Variants in PPP1R13B observed in about 807,000 individuals in gnomAD.
PPP1R13B encodes protein phosphatase 1 regulatory subunit 13B.
In PPP1R13B, 44 loss-of-function variants were observed where a neutral mutation model predicts 119.8. The observed-to-expected ratio is 0.37, with a 90% CI of 0.29 to 0.47. PPP1R13B has a LOEUF of 0.47. PPP1R13B is among the 20% of genes least tolerant of loss of function. The pLI is 0.99. For synonymous variants in PPP1R13B, 542 were observed against 561.5 expected, an observed-to-expected ratio of 0.97 and a Z score of 0.49; for missense variants, 1,227 against 1,413.5, an observed-to-expected ratio of 0.87 and a Z score of 2.12.
rs183376229 is a variant in PPP1R13B at position 103,803,638 on chromosome 14, G to A, written c.10-6120C>T. Among the ~76,000 whole-genome samples, 51 of 152,026 alleles carry A rather than the reference G, an allele frequency of 3.4e-4. 1 individual carries two copies. The highest frequency in any genetic ancestry group is 1.7e-3 in the Admixed American group (26 of 15,274). On this transcript the variant is annotated intron_variant, in intron 1 of 16. Transcript: ENST00000202556. ...AGCCTGGGCAACAGAGCGAGACTCC[G>A]TCTCAAAAATAAATAAATAAATAAA... is the stretch of plus-strand genomic sequence containing the variant.
chr14:103,759,501 T>TCA (rs1272844566), intron 4 of PPP1R13B, among the ~76,000 whole-genome samples: 1 of 151,828 alleles, frequency 6.6e-6, no homozygotes, highest in East Asian at 1.9e-4. Flanking sequence ...GGCAGGGGTC[T>TCA]CACCATGTTG....
intron 1 of PPP1R13B, among the ~76,000 whole-genome samples, chr14:103,834,587 T>C (rs1006235656): frequency 7.1e-6 from 1 of 140,448 alleles, no homozygotes; most frequent in Non-Finnish European, 1.5e-5. Context: ...ATGTCTTTTT[T>C]TTTTTTTTTT....
At chr14:103,784,982 A>C (rs2085423794) in intron 2 of PPP1R13B, 68 bp from the exon 3 acceptor site, 1 of 1,418,184 alleles carries the variant, frequency 7.1e-7, no homozygotes, top group Non-Finnish European at 9.5e-7. Flanking sequence ...AAATTTTGTA[A>C]AAAACTTAAA....
At chr14:103,737,582 T>A in intron 15 of PPP1R13B, 112 bp downstream of exon 15, 1 of 1,336,264 alleles carries the variant, frequency 7.5e-7, no homozygotes, top group Non-Finnish European at 1.0e-6. Flanking sequence ...TCTCCTGTCT[T>A]AAAAAAAACA....
At position 103,761,274 on chromosome 14, in the gene PPP1R13B, TAAAAAAA is replaced by T. The variant is rs59281762; in HGVS notation, c.355-3530_355-3524del. Among the ~76,000 whole-genome samples the T allele has an allele frequency of 3.6e-3, 376 of 104,730 alleles. 6 individuals are homozygous for T. The East Asian group carries it at 0.053, about 15-fold the overall frequency. 68.7% of individuals were successfully genotyped at this position (104,730 alleles called of 152,430 possible). On this transcript the variant is annotated intron_variant, in intron 4 of 16. Transcript: ENST00000202556. Reference sequence around the variant, plus strand: ...AGGGAACAGAGCAAGACCCTATATTTAAAAAAAAAAAAAAAAAAAAAAAAAGAATTTT... The same window carrying T: ...AGGGAACAGAGCAAGACCCTATATTTAAAAAAAAAAAAAAAAAAGAATTTT...
chr14:103,741,757 C>A, intron 11 of PPP1R13B, 33 bp downstream of exon 11: 2 of 1,570,890 alleles, frequency 1.3e-6, no homozygotes, highest in Admixed American at 1.9e-5. Flanking sequence ...AATTTCCTAG[C>A]CCCAAGAAAA....
intron 4 of PPP1R13B, among the ~76,000 whole-genome samples, chr14:103,776,330 G>A (rs2085194614): frequency 1.3e-5 from 2 of 152,150 alleles, no homozygotes; most frequent in South Asian, 2.1e-4. Context: ...AGAGATTTAA[G>A]TATATGAGGT....
chr14:103,800,995 C>T (rs560487664), intron 1 of PPP1R13B, among the ~76,000 whole-genome samples: 13 of 152,098 alleles, frequency 8.5e-5, no homozygotes, highest in African/African-American at 3.1e-4. Flanking sequence ...GGATTACAAG[C>T]ATGCACCAAC....
At chr14:103,800,509 C>A (rs1479202380) in intron 1 of PPP1R13B, among the ~76,000 whole-genome samples, 3 of 151,990 alleles carry the variant, frequency 2.0e-5, no homozygotes, top group Admixed American at 6.6e-5. Flanking sequence ...AAAAAATTAG[C>A]CAGGCGTGGT....
At chr14:103,808,097 T>C (rs143369580) in intron 1 of PPP1R13B, among the ~76,000 whole-genome samples, 1,582 of 151,852 alleles carry the variant, frequency 0.01, 25 homozygotes, top group African/African-American at 0.036. Context: ...AAAAAAAAAT[T>C]AGCTGGGCGT....
chr14:103,840,380 G>GA (rs369747725), intron 1 of PPP1R13B, among the ~76,000 whole-genome samples: 1 of 152,196 alleles, frequency 6.6e-6, no homozygotes, highest in Non-Finnish European at 1.5e-5. Flanking sequence ...AAAATCCTAA[G>GA]AAACTGTTAA....
intron 1 of PPP1R13B, among the ~76,000 whole-genome samples, chr14:103,842,663 C>T (rs1212734576): frequency 4.0e-5 from 6 of 151,744 alleles, no homozygotes; most frequent in South Asian, 2.1e-4. Flanking sequence ...CTTGACTCGT[C>T]GATACTCTTT....
At chr14:103,824,020 A>G (rs1316375767) in intron 1 of PPP1R13B, among the ~76,000 whole-genome samples, 1 of 150,908 alleles carries the variant, frequency 6.6e-6, no homozygotes, top group Non-Finnish European at 1.5e-5. Flanking sequence ...TTGTCAGCTG[A>G]AAAACATTCT....
intron 2 of PPP1R13B, among the ~76,000 whole-genome samples, chr14:103,793,508 C>A (rs2085680149): frequency 6.6e-6 from 1 of 152,148 alleles, no homozygotes; most frequent in African/African-American, 2.4e-5. Flanking sequence ...TGAGGCCTCC[C>A]CAGCCTTGCA....
intron 2 of PPP1R13B, among the ~76,000 whole-genome samples, chr14:103,786,434 C>T (rs1268766364): frequency 1.3e-5 from 2 of 152,106 alleles, no homozygotes; most frequent in Non-Finnish European, 2.9e-5. Flanking sequence ...TTTTCCTTCT[C>T]TGTGAACTGT....
intron 3 of PPP1R13B, among the ~76,000 whole-genome samples, chr14:103,781,363 T>G (rs550306840): frequency 5.3e-5 from 8 of 152,140 alleles, no homozygotes; most frequent in African/African-American, 1.9e-4. Context: ...AAGGTAAAAG[T>G]AGATGAAGAG....
At position 103,847,024 on chromosome 14, in the gene PPP1R13B, G is replaced by A. The variant is rs1318789297; in HGVS notation, c.9+275C>T. 6 of 1,134,432 alleles carry A rather than the reference G, an allele frequency of 5.3e-6. No homozygotes were observed. The African/African-American group carries it at 9.9e-5, about 19-fold the overall frequency. 70.3% of individuals were successfully genotyped at this position (1,134,432 alleles called of 1,614,324 possible). ...ACCGCGCACCTGAGAGGACCGAGGA[G>A]ATGACCGGCCCCAAATGCATCTGCT... On this transcript the variant is annotated intron_variant, in intron 1 of 16. Transcript: ENST00000202556.
chr14:103,823,897 G>T (rs780031591), intron 1 of PPP1R13B, among the ~76,000 whole-genome samples: 5 of 151,692 alleles, frequency 3.3e-5, no homozygotes, highest in Non-Finnish European at 7.4e-5. Flanking sequence ...ACTTTAAACA[G>T]CAGGTACATA....
rs1210887233 is a variant in PPP1R13B at position 103,835,612 on chromosome 14, A to AT, written c.9+11686dup. On this transcript the variant is annotated intron_variant, in intron 1 of 16. Transcript: ENST00000202556. ...GTCCTGCTAATTTTTATTTTTATTT[A>AT]TTTATTTTTTTTTTGAGACGGAGTC... is the stretch of plus-strand genomic sequence containing the variant. 4.8e-4 allele frequency among the ~76,000 whole-genome samples: 56 copies of AT among 116,758 alleles called. 1 individual carries two copies. Among genetic ancestry groups the AT allele is most frequent in the South Asian group, 2.2e-3 (9 of 4,114 alleles). 76.6% of individuals were successfully genotyped at this position (116,758 alleles called of 152,430 possible). A position where few individuals can be genotyped will look rare whatever the true frequency, so the allele number is the denominator to read the frequency against.
Sources: allele counts gnomAD v4.1 joint callset (sites outside exome capture counted in the v4.1 genomes callset), GRCh38; gene constraint gnomAD v4.1.1; transcripts MANE v1.5; gene names NCBI Gene and HGNC (gene_info 2026-07-23, HGNC 2026-07-21).